The following SNX18 variants were observed in gnomAD, a reference collection of about 807,000 sequenced individuals.
SNX18 encodes the protein sorting nexin 18, also known as sorting nexin-18.
Under a neutral mutation model 48.7 loss-of-function variants are expected in SNX18, and 35 were observed. The ratio of observed to expected loss-of-function variants is 0.72; its 90% CI spans 0.55 to 0.95. The LOEUF (loss-of-function observed/expected upper bound fraction) is 0.95, where lower values mean the gene tolerates loss of function less well. Among genes scored for constraint, SNX18 ranks in the 40% least tolerant of loss-of-function variants. The pLI is 0.00. For synonymous variants in SNX18, 492 were observed against 384.7 expected (o/e 1.28, Z -3.26); for missense variants, 824 against 871.0 (o/e 0.95, Z 0.68).
chr5:54,640,991 T>G, the SNX18 span, among the ~76,000 whole-genome samples: 1 of 151,132 alleles, frequency 6.6e-6, no homozygotes, highest in African/African-American at 2.4e-5. Flanking sequence ...ATGTGGGAGG[T>G]GGAGATTGAA....
At chr5:54,590,423 C>G in the SNX18 span, among the ~76,000 whole-genome samples, 5 of 152,130 alleles carry the variant, frequency 3.3e-5, no homozygotes, top group Admixed American at 1.3e-4. Flanking sequence ...TTGTTAAAGC[C>G]TAAGTCAGAT....
chr5:54,528,521 T>C (rs1411724374), intron 1 of SNX18, among the ~76,000 whole-genome samples: 1 of 152,206 alleles, frequency 6.6e-6, no homozygotes, highest in Non-Finnish European at 1.5e-5. Context: ...AGTGTGACTT[T>C]TGGAGGAGTG....
chr5:54,549,329 C>G (rs1762619166), downstream of SNX18, among the ~76,000 whole-genome samples: 1 of 152,200 alleles, frequency 6.6e-6, no homozygotes, highest in Admixed American at 6.5e-5. Flanking sequence ...CCTTGGGTCC[C>G]AGGTAGGCAG....
At chr5:54,639,971 C>T in the SNX18 span, among the ~76,000 whole-genome samples, 1 of 152,166 alleles carries the variant, frequency 6.6e-6, no homozygotes, top group Non-Finnish European at 1.5e-5. Flanking sequence ...GGAGATGGCA[C>T]TCCATTGTAA....
the SNX18 span, among the ~76,000 whole-genome samples, chr5:54,584,389 G>A: frequency 6.6e-6 from 1 of 151,912 alleles, no homozygotes; most frequent in African/African-American, 2.4e-5. Context: ...ATGGCTGCTT[G>A]GGTTTACTTT....
chr5:54,531,238 T>A (rs6450221), intron 1 of SNX18, among the ~76,000 whole-genome samples: 36,661 of 151,780 alleles, frequency 0.24, 5,032 homozygotes, highest in Non-Finnish European at 0.3. Flanking sequence ...CTGCCAGGTA[T>A]CATGGCAGGA....
chr5:54,592,570 A>C, the SNX18 span, among the ~76,000 whole-genome samples: 3 of 152,122 alleles, frequency 2.0e-5, no homozygotes, highest in African/African-American at 7.2e-5. Flanking sequence ...GACTAAATTA[A>C]CTTGTGGTCA....
intron 1 of SNX18, among the ~76,000 whole-genome samples, chr5:54,533,357 C>T (rs1362880675): frequency 6.6e-6 from 1 of 152,130 alleles, no homozygotes; most frequent in African/African-American, 2.4e-5. Context: ...AAACCTGGAA[C>T]CCACTTAGTA....
chr5:54,537,588 C>G (rs928569354), intron 1 of SNX18, among the ~76,000 whole-genome samples: 57 of 152,088 alleles, frequency 3.7e-4, no homozygotes, highest in African/African-American at 1.3e-3. Context: ...TGACCTTAAA[C>G]TTCATTATAT....
At chr5:54,623,774 G>A in the SNX18 span, among the ~76,000 whole-genome samples, 1 of 152,124 alleles carries the variant, frequency 6.6e-6, no homozygotes. Flanking sequence ...AGATTGTGAT[G>A]GTCTAGGCAT....
chr5:54,605,741 C>G, the SNX18 span, among the ~76,000 whole-genome samples: 2 of 152,136 alleles, frequency 1.3e-5, no homozygotes, highest in Admixed American at 1.3e-4. Context: ...CTCACTGAAG[C>G]CTCGAACTCC....
the SNX18 span, among the ~76,000 whole-genome samples, chr5:54,596,846 C>A: frequency 1.3e-5 from 2 of 152,262 alleles, no homozygotes; most frequent in East Asian, 3.9e-4. Context: ...TACATTGGTT[C>A]CCTGGGCAGT....
At chr5:54,612,320 G>C in the SNX18 span, among the ~76,000 whole-genome samples, 1 of 151,078 alleles carries the variant, frequency 6.6e-6, no homozygotes, top group African/African-American at 2.4e-5. Flanking sequence ...GTACAATGTC[G>C]TGGTCTTGGC....
the SNX18 span, among the ~76,000 whole-genome samples, chr5:54,552,095 G>A: frequency 2.0e-5 from 3 of 152,194 alleles, no homozygotes; most frequent in East Asian, 1.9e-4. Flanking sequence ...GCTTTGTTCC[G>A]CTGTGGGTGC....
chr5:54,615,325 A>G, the SNX18 span, among the ~76,000 whole-genome samples: 1 of 152,292 alleles, frequency 6.6e-6, no homozygotes, highest in Admixed American at 6.5e-5. Context: ...ACATGCCTGT[A>G]GTCTACCCAC....
At chr5:54,566,182 C>T in the SNX18 span, among the ~76,000 whole-genome samples, 5 of 152,146 alleles carry the variant, frequency 3.3e-5, no homozygotes, top group Admixed American at 2.0e-4. Context: ...AATTCTCTTT[C>T]ACCAGGCTAA....
At chr5:54,530,129 T>C (rs2112846661) in intron 1 of SNX18, among the ~76,000 whole-genome samples, 2 of 152,312 alleles carry the variant, frequency 1.3e-5, no homozygotes, top group South Asian at 4.1e-4. Flanking sequence ...CCTCCTCACG[T>C]GGCATTGTCC....
At chr5:54,622,604 A>T in the SNX18 span, among the ~76,000 whole-genome samples, 1 of 148,170 alleles carries the variant, frequency 6.7e-6, no homozygotes, top group Non-Finnish European at 1.5e-5. Context: ...AATATATAAT[A>T]AATATAAATA....
Position 54,518,220 on chromosome 5 carries a change from C to T in SNX18, c.268C>T (p.Pro90Ser), listed in dbSNP as rs771152867. 7.1e-7 allele frequency: 1 copy of T among 1,409,398 alleles called. No individual in the cohort carries two copies. Among genetic ancestry groups the T allele is most frequent in the Non-Finnish European group, 9.2e-7 (1 of 1,091,390 alleles). 87.3% of individuals were successfully genotyped at this position (1,409,398 alleles called of 1,614,324 possible). A position where few individuals can be genotyped will look rare whatever the true frequency, so the allele number is the denominator to read the frequency against. ...NVPPGGFEPL[P>S]VAPPASFKPP... ...GCCCCCCGGGGGCTTCGAGCCCCTG[C>T]CTGTCGCGCCCCCCGCCTCCTTCAA... Residue 90 changes from proline to serine, a missense_variant, in exon 1 of 2, where the codon CCT (proline) becomes TCT (serine). Physicochemically the swap from Pro to Ser is moderately conservative, Grantham distance 74. This residue lies in a region of SNX18 where 377 missense variants were observed against 350.6 expected (regional missense o/e 1.08). Transcript: ENST00000381410.
Sources: allele counts gnomAD v4.1 joint callset (sites outside exome capture counted in the v4.1 genomes callset), GRCh38; gene constraint gnomAD v4.1.1; regional missense constraint gnomAD v4.1.1; transcripts MANE v1.5; gene names NCBI Gene and HGNC (gene_info 2026-07-23, HGNC 2026-07-21).